The following DOCK8 variants were observed in gnomAD, a reference collection of about 807,000 sequenced individuals.
The protein encoded by DOCK8 is dedicator of cytokinesis protein 8.
DOCK8 carries 141 observed loss-of-function variants against 245.6 expected under a neutral mutation model. The observed-to-expected ratio is 0.57, with a 90% CI of 0.50 to 0.66. The LOEUF (loss-of-function observed/expected upper bound fraction) is 0.66. Ranked by LOEUF, DOCK8 falls within the 30% of genes least tolerant of loss-of-function variation. The probability of loss-of-function intolerance (pLI) is 0.00; values close to 1 mark genes in which losing one functional copy is unlikely to be tolerated. For synonymous variants in DOCK8, 1,168 were observed against 970.2 expected (o/e 1.20, Z -3.79); for missense variants, 2,965 against 2,603.4 (o/e 1.14, Z -3.02).
intron 20 of DOCK8, among the ~76,000 whole-genome samples, chr9:378,267 G>T (rs10973100): frequency 6.6e-6 from 1 of 152,056 alleles, no homozygotes; most frequent in African/African-American, 2.4e-5. Context: ...CTTGAAGAAG[G>T]GATAGAGTGA....
At position 304,460 on chromosome 9, in the gene DOCK8, C is replaced by T. The variant is rs2049715149; in HGVS notation, c.405-121C>T. ...AAATGTGAGGAATTATAATTGGTTC[C>T]CTCTTTGAAAGCTCTCTCAGCACCA... On this transcript the variant is annotated intron_variant, in intron 4 of 47. Coordinates refer to ENST00000432829, the MANE Select transcript of DOCK8 (RefSeq NM_203447.4). 4 of 1,312,550 alleles carry T rather than the reference C, an allele frequency of 3.0e-6. No homozygotes were observed. In the Admixed American group the frequency reaches 7.2e-5, roughly 24 times the overall value. 81.3% of individuals were successfully genotyped at this position (1,312,550 alleles called of 1,614,324 possible). A position where few individuals can be genotyped will look rare whatever the true frequency, so the allele number is the denominator to read the frequency against.
At chr9:238,399 C>A (rs569621697) in intron 1 of DOCK8, among the ~76,000 whole-genome samples, 1 of 152,106 alleles carries the variant, frequency 6.6e-6, no homozygotes, top group African/African-American at 2.4e-5. Context: ...GCATGTAATA[C>A]AACTGGCACA....
chr9:289,946 C>G (rs1217007514), intron 4 of DOCK8, among the ~76,000 whole-genome samples: 2 of 152,180 alleles, frequency 1.3e-5, no homozygotes, highest in Non-Finnish European at 2.9e-5. Flanking sequence ...TTTCACTGCC[C>G]TAAAAATCCT....
chr9:276,636 A>G (rs1053241361), intron 2 of DOCK8, among the ~76,000 whole-genome samples: 1 of 152,172 alleles, frequency 6.6e-6, no homozygotes, highest in Non-Finnish European at 1.5e-5. Flanking sequence ...AGCTGTGGCT[A>G]GTAAATAACC....
upstream of DOCK8, among the ~76,000 whole-genome samples, chr9:211,392 C>T (rs1027748045): frequency 1.3e-5 from 2 of 151,930 alleles, no homozygotes; most frequent in Non-Finnish European, 2.9e-5. Flanking sequence ...ATAGAGGCTA[C>T]AGGAAGTCAC....
chr9:370,495 G>A (rs559185434), intron 16 of DOCK8, among the ~76,000 whole-genome samples, 195 bp downstream of exon 16: 2 of 152,188 alleles, frequency 1.3e-5, no homozygotes, highest in Non-Finnish European at 2.9e-5. Context: ...AGAGAAGAAC[G>A]TGTCTTCAAG....
chr9:280,843 A>G (rs2048548521), intron 2 of DOCK8: 1 of 152,274 alleles, frequency 6.6e-6, no homozygotes, highest in African/African-American at 2.4e-5. Context: ...CATACTGGAA[A>G]GGAATTCAAG....
intron 5 of DOCK8, among the ~76,000 whole-genome samples, chr9:311,216 C>T (rs1271311261): frequency 1.3e-5 from 2 of 150,818 alleles, no homozygotes; most frequent in South Asian, 2.1e-4. Flanking sequence ...ACCTGGGAGG[C>T]GGAGGTTGCA....
At chr9:307,773 A>G (rs2049916229) in intron 5 of DOCK8, among the ~76,000 whole-genome samples, 1 of 152,172 alleles carries the variant, frequency 6.6e-6, no homozygotes, top group Non-Finnish European at 1.5e-5. Context: ...TCCCATGTTT[A>G]TTGCAGCACT....
Position 299,069 on chromosome 9 carries a change from G to A in DOCK8, c.405-5512G>A, listed in dbSNP as rs538477039. ...ACTGGTTCAGTATATTGTTATTTGG[G>A]GTAGCATAATTTTAGGCGATAACTT... On this transcript the variant is annotated intron_variant, in intron 4 of 47. Transcript: ENST00000432829. Among the ~76,000 whole-genome samples, 3 of 152,122 alleles carry A rather than the reference G, an allele frequency of 2.0e-5. No individual in the cohort carries two copies. The South Asian group carries it at 6.2e-4, about 32-fold the overall frequency.
intron 1 of DOCK8, among the ~76,000 whole-genome samples, chr9:221,268 C>T (rs1358566184): frequency 6.6e-6 from 1 of 152,070 alleles, no homozygotes; most frequent in Non-Finnish European, 1.5e-5. Flanking sequence ...CCAGTTTCTC[C>T]AGCTGTCTAT....
intron 29 of DOCK8, 138 bp downstream of exon 29, chr9:415,089 C>G: frequency 8.2e-7 from 1 of 1,220,472 alleles, no homozygotes; most frequent in East Asian, 2.4e-5. Context: ...CTCCAAACCT[C>G]TTTAACACTG....
chr9:302,481 AAAAC>A (rs1453183438), intron 4 of DOCK8, among the ~76,000 whole-genome samples: 2 of 152,238 alleles, frequency 1.3e-5, no homozygotes, highest in African/African-American at 2.4e-5. Flanking sequence ...AATGGTAACA[AAAAC>A]AAAAATTGAC....
At chr9:265,493 TACC>T (rs2048015865) in intron 1 of DOCK8, among the ~76,000 whole-genome samples, 2 of 152,230 alleles carry the variant, frequency 1.3e-5, no homozygotes, top group Non-Finnish European at 2.9e-5. Context: ...AGTCGTTCGT[TACC>T]AAGAGTAAAT....
chr9:335,561 T>C (rs186320095), intron 11 of DOCK8, among the ~76,000 whole-genome samples: 1 of 152,288 alleles, frequency 6.6e-6, no homozygotes, highest in Admixed American at 6.5e-5. Flanking sequence ...AACCTCACTT[T>C]ACCACATCCT....
chr9:220,706 C>G (rs957987706), intron 1 of DOCK8: 3 of 405,984 alleles, frequency 7.4e-6, no homozygotes, highest in Non-Finnish European at 9.5e-6. Context: ...AAGCAGTAGT[C>G]TAATTTCTTT....
At chr9:264,876 T>A (rs1178687075) in intron 1 of DOCK8, among the ~76,000 whole-genome samples, 2 of 152,234 alleles carry the variant, frequency 1.3e-5, no homozygotes, top group Non-Finnish European at 2.9e-5. Flanking sequence ...CTTTGATAGC[T>A]GCATCATTCA....
chr9:241,379 C>A (rs2047369663), intron 1 of DOCK8, among the ~76,000 whole-genome samples: 1 of 152,150 alleles, frequency 6.6e-6, no homozygotes, highest in African/African-American at 2.4e-5. Flanking sequence ...CCCATCTTTC[C>A]CTTCCCCCTA....
intron 1 of DOCK8, among the ~76,000 whole-genome samples, chr9:226,306 C>T (rs2131356361): frequency 6.6e-6 from 1 of 152,190 alleles, no homozygotes; most frequent in East Asian, 1.9e-4. Flanking sequence ...AAACCTGCCT[C>T]CATGATTCAA....
Sources: gnomAD v4.1 joint callset for allele counts (sites outside exome capture counted in the v4.1 genomes callset) on GRCh38, gnomAD v4.1.1 for gene constraint, MANE v1.5 for transcripts, NCBI Gene and HGNC (gene_info 2026-07-23, HGNC 2026-07-21) for gene names.